The following APAF1 variants were observed in gnomAD, a reference collection of about 807,000 sequenced individuals.
APAF1 encodes apoptotic peptidase activating factor 1, also known as apoptotic protease-activating factor 1.
APAF1 carries 91 observed loss-of-function variants against 152.4 expected under a neutral mutation model. The ratio of observed to expected loss-of-function variants is 0.60; its 90% confidence interval spans 0.50 to 0.71. APAF1 has a LOEUF of 0.71. Among genes scored for constraint, APAF1 ranks in the 30% least tolerant of loss-of-function variants. The pLI is 0.00. For synonymous variants in APAF1, 484 were observed against 494.1 expected (o/e 0.98, Z 0.27); for missense variants, 1,283 against 1,472.0 (o/e 0.87, Z 2.10).
chr12:98,662,820 T>G lies in APAF1; in HGVS notation c.955+14T>G. 6.2e-7 allele frequency: 1 copy of G among 1,603,916 alleles called. No homozygotes were observed. On this transcript the variant is annotated intron_variant, in intron 7 of 26. Coordinates refer to ENST00000551964, the MANE Select transcript of APAF1 (RefSeq NM_181861.2). ...AAGAATGTAAAGGTATGGTTATTTA[T>G]TTGTTTATGAGGAGATTATAGGGAG...
intron 26 of APAF1, among the ~76,000 whole-genome samples, chr12:98,728,120 C>T (rs748469927): frequency 2.9e-4 from 44 of 152,008 alleles, no homozygotes; most frequent in Non-Finnish European, 5.0e-4. Flanking sequence ...GCAGGGATGC[C>T]CTCAATCCAG....
rs761762347 is a variant in APAF1, at chr12:98,723,689, G to C, written c.3255G>C (p.Gln1085His). ...AAGAAAAAGACTTTGTCTGTCACCAGGGTACAGTACTTTCTTGTGACATTT... is the reference window on the plus strand; with the variant it reads ...AAGAAAAAGACTTTGTCTGTCACCACGGTACAGTACTTTCTTGTGACATTT... ...GNKEKDFVCH[Q>H]GTVLSCDISH... The change falls in exon 24 of 27, where the codon CAG (glutamine) becomes CAC (histidine). Residue 1085 changes from glutamine to histidine, a missense_variant. Coordinates refer to ENST00000551964, the MANE Select transcript of APAF1 (RefSeq NM_181861.2). The C allele has an allele frequency of 3.1e-6, 5 of 1,611,288 alleles. No individual in the cohort carries two copies. The Admixed American group carries it at 8.3e-5, about 27-fold the overall frequency.
At position 98,708,536 on chromosome 12, in the gene APAF1, G is replaced by A. The variant is rs749455435; in HGVS notation, c.2722-49G>A. Reference sequence around the variant, plus strand: ...AGTTTGTCTCTCGCTTTAAGATGAAGACATGTTATTTTAGAGATGGAATGA... The same window carrying A: ...AGTTTGTCTCTCGCTTTAAGATGAAAACATGTTATTTTAGAGATGGAATGA... On this transcript the variant is annotated intron_variant, in intron 19 of 26. Coordinates refer to ENST00000551964, the MANE Select transcript of APAF1 (RefSeq NM_181861.2). 5 of 1,591,306 alleles carry A rather than the reference G, an allele frequency of 3.1e-6. No homozygotes were observed. In the South Asian group the frequency reaches 5.6e-5, roughly 18 times the overall value.
At chr12:98,715,262 ATATATATATATATATATAT>A (rs1331571110) in intron 21 of APAF1, among the ~76,000 whole-genome samples, 146 bp from the exon 22 acceptor site, 4 of 126,368 alleles carry the variant, frequency 3.2e-5, no homozygotes, top group South Asian at 2.6e-4. Context: ...ATATATATAT[ATATATATATATATATATAT>A]GACATTCATT....
In APAF1 at chr12:98,678,899, T is replaced by G. The variant is rs947150119; in HGVS notation, c.1920+1348T>G. Among the ~76,000 whole-genome samples, 10 of 152,308 alleles carry G rather than the reference T, an allele frequency of 6.6e-5. No homozygotes were observed. In the East Asian group the frequency reaches 1.7e-3, roughly 27 times the overall value. ...CATAGGAGGGAAGCCAAGGGGGTGC[T>G]GAGGGCAGTTTGATACTGGCCTGCA... On this transcript the variant is annotated intron_variant, in intron 13 of 26. Coordinates refer to ENST00000551964, the MANE Select transcript of APAF1 (RefSeq NM_181861.2).
chr12:98,668,586 A>G (rs1439371170), intron 10 of APAF1, among the ~76,000 whole-genome samples: 1 of 152,204 alleles, frequency 6.6e-6, no homozygotes, highest in Non-Finnish European at 1.5e-5. Flanking sequence ...AAAGAAAGTG[A>G]TGATAGAGGG....
chr12:98,708,687 C>A lies in APAF1; in HGVS notation c.2824C>A (p.His942Asn). The change falls in exon 20 of 27, where the codon CAT (histidine) becomes AAT (asparagine). Residue 942 changes from histidine (H) to asparagine (N), a missense_variant. Physicochemically the swap from His to Asn is moderately conservative, Grantham distance 68 (BLOSUM62 1). Coordinates refer to ENST00000551964, the MANE Select transcript of APAF1 (RefSeq NM_181861.2). ...ENEVMVLAVD[H>N]IRRLQLINGR... Reference sequence around the variant, plus strand: ...TGAAGTGATGGTCCTTGCAGTTGACCATATAAGACGTCTGCAAGTGAGTAT... The same window carrying A: ...TGAAGTGATGGTCCTTGCAGTTGACAATATAAGACGTCTGCAAGTGAGTAT... 1.2e-6 allele frequency: 2 copies of A among 1,613,572 alleles called. No homozygotes were observed. Among genetic ancestry groups the A allele is most frequent in the Non-Finnish European group, 1.7e-6 (2 of 1,179,828 alleles).
intron 4 of APAF1, among the ~76,000 whole-genome samples, chr12:98,650,027 C>T (rs1308273311): frequency 2.0e-5 from 3 of 152,108 alleles, no homozygotes; most frequent in Non-Finnish European, 4.4e-5. Flanking sequence ...AGGTATACCA[C>T]TGACCTTAGC....
At position 98,659,151 on chromosome 12, in the gene APAF1, C is replaced by T; in HGVS notation, c.527-9C>T. On this transcript the variant is annotated splice_polypyrimidine_tract_variant and intron_variant, in intron 4 of 26. Transcript: ENST00000551964. ...AAGGCCTTAAGTTCATTATTCTTTC[C>T]CTCACTAGGTTGTTTCCCAGGGGGA... 1.2e-6 allele frequency: 2 copies of T among 1,613,956 alleles called. No homozygotes were observed. Among genetic ancestry groups the T allele is most frequent in the Non-Finnish European group, 1.7e-6 (2 of 1,179,864 alleles).
At chr12:98,679,675 G>A (rs1016212367) in intron 13 of APAF1, among the ~76,000 whole-genome samples, 1 of 152,244 alleles carries the variant, frequency 6.6e-6, no homozygotes, top group African/African-American at 2.4e-5. Flanking sequence ...GGGGCCCCGC[G>A]GTTCCTGGCA....
intron 19 of APAF1, 141 bp downstream of exon 19, chr12:98,706,751 T>A: frequency 1.1e-6 from 1 of 950,538 alleles, no homozygotes; most frequent in Admixed American, 1.9e-5. Context: ...GGAAAAGTGC[T>A]GTTATATGGA....
chr12:98,673,442 CAA>C (rs1162049645), intron 12 of APAF1, among the ~76,000 whole-genome samples: 5 of 89,222 alleles, frequency 5.6e-5, no homozygotes, highest in Admixed American at 1.2e-4. Context: ...TCTCAAAAAA[CAA>C]AAAAAAAAAA....
chr12:98,647,705 G>GTTT lies in APAF1; in HGVS notation c.-41-596_-41-594dup, dbSNP rs66849928. Among the ~76,000 whole-genome samples the GTTT allele has an allele frequency of 6.6e-5, 7 of 105,526 alleles. No individual in the cohort carries two copies. In the East Asian group the frequency reaches 1.8e-3, roughly 27 times the overall value. 69.2% of individuals were successfully genotyped at this position (105,526 alleles called of 152,430 possible). A position where few individuals can be genotyped will look rare whatever the true frequency, so the allele number is the denominator to read the frequency against. ...GTGTTGTATGTGGGATCATGTTTCTGTTTTTTTTTTTTTTTTTTTTCAGCA... is the reference window on the plus strand; with the variant it reads ...GTGTTGTATGTGGGATCATGTTTCTGTTTTTTTTTTTTTTTTTTTTTTTCAGCA... On this transcript the variant is annotated intron_variant, in intron 1 of 26. Transcript: ENST00000551964.
At chr12:98,667,219 C>T (rs937683057) in intron 9 of APAF1, among the ~76,000 whole-genome samples, 1 of 151,774 alleles carries the variant, frequency 6.6e-6, no homozygotes, top group African/African-American at 2.4e-5. Context: ...TAGCTAATTC[C>T]CGAGTAGTTG....
intron 11 of APAF1, among the ~76,000 whole-genome samples, 164 bp from the exon 12 acceptor site, chr12:98,671,371 A>G (rs752161586): frequency 2.0e-5 from 3 of 152,320 alleles, no homozygotes; most frequent in Middle Eastern, 3.4e-3. Context: ...TTTAAAAGTC[A>G]GAAGAGGATT....
chr12:98,712,971 C>T (rs1443800463), intron 21 of APAF1, among the ~76,000 whole-genome samples: 2 of 152,048 alleles, frequency 1.3e-5, no homozygotes, highest in South Asian at 2.1e-4. Context: ...GTATGCACCA[C>T]CACACCTAGC....
At chr12:98,679,957 G>C (rs914116557) in intron 13 of APAF1, among the ~76,000 whole-genome samples, 5 of 152,232 alleles carry the variant, frequency 3.3e-5, no homozygotes, top group African/African-American at 9.6e-5. Context: ...AGGCCAAGTG[G>C]GTGAAACAAG....
intron 26 of APAF1, among the ~76,000 whole-genome samples, chr12:98,727,908 T>G (rs2097753008): frequency 1.3e-5 from 2 of 151,150 alleles, no homozygotes; most frequent in African/African-American, 4.9e-5. Context: ...ACCATTGCAC[T>G]GCAGCCTAGG....
intron 13 of APAF1, among the ~76,000 whole-genome samples, chr12:98,678,018 TTAA>T (rs2097688374): frequency 6.6e-6 from 1 of 151,654 alleles, no homozygotes; most frequent in Admixed American, 6.6e-5. Flanking sequence ...TCAGAAAATA[TTAA>T]TGAGTACTTT....
Sources: allele counts gnomAD v4.1 joint callset (sites outside exome capture counted in the v4.1 genomes callset), GRCh38; gene constraint gnomAD v4.1.1; transcripts MANE v1.5; gene names NCBI Gene and HGNC (gene_info 2026-07-23, HGNC 2026-07-21).